Variants in RAET1L observed in about 807,000 individuals in gnomAD.
The protein encoded by RAET1L is UL16-binding protein 6.
RAET1L carries 16 observed loss-of-function variants against 23.9 expected under a neutral mutation model. The observed-to-expected ratio is 0.67, with a 90% confidence interval of 0.45 to 1.02. The LOEUF (loss-of-function observed/expected upper bound fraction) is 1.02. Among genes scored for constraint, RAET1L ranks in the 50% least tolerant of loss-of-function variants. The pLI is 0.00. For missense variants in RAET1L, 233 were observed against 304.0 expected (o/e 0.77, Z 1.74); for synonymous variants, 70 against 111.2 (o/e 0.63, Z 2.33).
At chr6:150,021,810 T>C (rs1157957815) in intron 2 of RAET1L, among the ~76,000 whole-genome samples, 170 bp downstream of exon 2, 1 of 151,880 alleles carries the variant, frequency 6.6e-6, no homozygotes, top group African/African-American at 2.4e-5. Context: ...GGTCAGGCGG[T>C]CTCGAATTCC....
Position 150,021,023 on chromosome 6 carries a change from C to A in RAET1L, c.513G>T (p.Lys171Asn), listed in dbSNP as rs1182577554. ...TGGCCACATCCTTGTCATTCTCCCA[C>A]TTTTCTTTCATCTTTCTGGCTCCAG... ...VHPGARKMKE[K>N]WENDKDVAMS... The change falls in exon 3 of 5, where the codon AAG (lysine) becomes AAT (asparagine). Residue 171 changes from lysine to asparagine, a missense_variant. This residue lies in a region of RAET1L where 139 missense variants were observed against 125.3 expected (regional missense o/e 1.11). Transcript: ENST00000367341. 3.7e-6 allele frequency: 6 copies of A among 1,614,084 alleles called. No individual in the cohort carries two copies. Among genetic ancestry groups the A allele is most frequent in the East Asian group, 4.5e-5 (2 of 44,904 alleles).
At chr6:150,023,472 T>G (rs1279756819) in intron 1 of RAET1L, among the ~76,000 whole-genome samples, 2 of 152,090 alleles carry the variant, frequency 1.3e-5, no homozygotes, top group African/African-American at 4.8e-5. Context: ...GGACAGTGAG[T>G]CCTTGTGGCC....
Position 150,021,026 on chromosome 6 carries a change from T to C in RAET1L, c.510A>G (p.Glu170=). ...TVHPGARKMK[E]KWENDKDVAM... is the part of the protein sequence containing the mutation. Reference sequence around the variant, plus strand: ...CCACATCCTTGTCATTCTCCCACTTTTCTTTCATCTTTCTGGCTCCAGGAT... The same window carrying C: ...CCACATCCTTGTCATTCTCCCACTTCTCTTTCATCTTTCTGGCTCCAGGAT... The change falls in exon 3 of 5, where the codon GAA becomes GAG. Residue 170 remains glutamate (E), a synonymous_variant. Coordinates refer to ENST00000367341, the MANE Select transcript of RAET1L (RefSeq NM_130900.3). 1 of 1,614,204 alleles carries C rather than the reference T, an allele frequency of 6.2e-7. No homozygotes were observed. The highest frequency in any genetic ancestry group is 8.5e-7 in the Non-Finnish European group (1 of 1,180,034).
In RAET1L at chr6:150,018,474, C is replaced by A. The variant is rs1161784388; in HGVS notation, c.*404G>T. 6.6e-6 allele frequency: 1 copy of A among 152,054 alleles called. No individual in the cohort carries two copies. The highest frequency in any genetic ancestry group is 2.4e-5 in the African/African-American group (1 of 41,392). 9.4% of individuals were successfully genotyped at this position (152,054 alleles called of 1,614,324 possible). On this transcript the variant is annotated 3_prime_UTR_variant, in exon 5 of 5. Coordinates refer to ENST00000367341, the MANE Select transcript of RAET1L (RefSeq NM_130900.3). ...GGACATGGAAAGAATCCCTGGAGGT[C>A]TGAAGTCTAACATGATTGTTTTACT...
chr6:150,025,020 C>A (rs1207877190), intron 1 of RAET1L, among the ~76,000 whole-genome samples: 2 of 152,100 alleles, frequency 1.3e-5, no homozygotes, highest in African/African-American at 2.4e-5. Context: ...CTGTGGTACC[C>A]CCCTTCACCC....
At chr6:150,025,308 C>G (rs1380121060) in intron 1 of RAET1L, 79 bp downstream of exon 1, 1 of 1,236,438 alleles carries the variant, frequency 8.1e-7, no homozygotes, top group Non-Finnish European at 1.2e-6. Context: ...CAGAAGCCTT[C>G]CCTCCTCTGA....
At chr6:150,024,108 C>T (rs1274215856) in intron 1 of RAET1L, among the ~76,000 whole-genome samples, 1 of 152,268 alleles carries the variant, frequency 6.6e-6, no homozygotes. Flanking sequence ...CCTCAGCTCA[C>T]ACCTGAGGCT....
chr6:150,023,902 C>G (rs1419262365), intron 1 of RAET1L, among the ~76,000 whole-genome samples: 1 of 152,202 alleles, frequency 6.6e-6, no homozygotes, highest in Non-Finnish European at 1.5e-5. Context: ...CTTAGGGATG[C>G]CTATTCCTGA....
intron 1 of RAET1L, among the ~76,000 whole-genome samples, chr6:150,024,455 G>T (rs1412082170): frequency 6.6e-6 from 1 of 152,076 alleles, no homozygotes; most frequent in Non-Finnish European, 1.5e-5. Flanking sequence ...CCCATGGCCT[G>T]CAAAGATCAC....
chr6:150,022,659 G>C (rs1440410959), intron 1 of RAET1L, among the ~76,000 whole-genome samples: 2 of 113,798 alleles, frequency 1.8e-5, no homozygotes, highest in African/African-American at 3.1e-5. Context: ...GGTGCTGGTT[G>C]AACAGAGTGA....
rs1183132171 is a variant in RAET1L at position 150,022,113 on chromosome 6, T to C, written c.216A>G (p.Thr72=). The change falls in exon 2 of 5, where the codon ACA becomes ACG. Residue 72 remains threonine, a synonymous_variant. Coordinates refer to ENST00000367341, the MANE Select transcript of RAET1L (RefSeq NM_130900.3). ...GTTTCTTCCCCAGGGGACTGACGGG[T>C]GTGACTGTCTTGTTGCCACAGTCAT... is the stretch of plus-strand genomic sequence containing the variant. The part of the protein sequence containing the change: ...LHYDCGNKTV[T]PVSPLGKKLN... 2.5e-6 allele frequency: 4 copies of C among 1,601,382 alleles called. No homozygotes were observed. In the African/African-American group the frequency reaches 5.6e-5, roughly 23 times the overall value.
At position 150,023,990 on chromosome 6, in the gene RAET1L, T is replaced by C. The variant is rs1346989143; in HGVS notation, c.85+1397A>G. Among the ~76,000 whole-genome samples the C allele has an allele frequency of 1.1e-4, 16 of 152,256 alleles. 1 individual carries two copies. Among genetic ancestry groups the C allele is most frequent in the South Asian group, 6.2e-4 (3 of 4,818 alleles). ...GAAGATAGGCCCAGCAGTGAGAAGA[T>C]GCAGGTGGTTCTTCTGGGATGGGCA... On this transcript the variant is annotated intron_variant, in intron 1 of 4. Coordinates refer to ENST00000367341, the MANE Select transcript of RAET1L (RefSeq NM_130900.3).
intron 1 of RAET1L, among the ~76,000 whole-genome samples, chr6:150,024,474 C>T (rs1313952348): frequency 1.3e-5 from 2 of 151,992 alleles, no homozygotes; most frequent in African/African-American, 4.8e-5. Context: ...ACAGGGCATC[C>T]TTCCTCCCTT....
At position 150,025,516 on chromosome 6, in the gene RAET1L, T is replaced by A. The variant is rs764254028; in HGVS notation, c.-45A>T. On this transcript the variant is annotated 5_prime_UTR_variant, in exon 1 of 5. Transcript: ENST00000367341. ...GGACAAGAGATTTAATCAAGGTGGA[T>A]CCTGGAAGATGAAATCACCTCTGTG... is the stretch of plus-strand genomic sequence containing the variant. 1.3e-6 allele frequency: 2 copies of A among 1,500,614 alleles called. No homozygotes were observed. Among genetic ancestry groups the A allele is most frequent in the Admixed American group, 3.4e-5 (2 of 59,324 alleles). The allele number at this position is 1,500,614 out of a possible 1,614,324, so 93.0% of individuals were successfully genotyped here. A position where few individuals can be genotyped will look rare whatever the true frequency, so the allele number is the denominator to read the frequency against.
rs533745665 is a variant in RAET1L, at chr6:150,021,871, C to T, written c.349+109G>A. Reference sequence around the variant, plus strand: ...CCTCACAAAGTGCTGGGACTACAGGCGTGAGCCACCGTGCCCAGGACCCTT... The same window carrying T: ...CCTCACAAAGTGCTGGGACTACAGGTGTGAGCCACCGTGCCCAGGACCCTT... On this transcript the variant is annotated intron_variant, in intron 2 of 4. Coordinates refer to ENST00000367341, the MANE Select transcript of RAET1L (RefSeq NM_130900.3). The T allele has an allele frequency of 1.3e-3, 1,654 of 1,295,362 alleles. 31 individuals carry two copies. In the South Asian group the frequency reaches 0.021, roughly 17 times the overall value. 80.2% of individuals were successfully genotyped at this position (1,295,362 alleles called of 1,614,324 possible).
intron 1 of RAET1L, among the ~76,000 whole-genome samples, chr6:150,023,797 G>A (rs574661250): frequency 6.6e-6 from 1 of 152,316 alleles, no homozygotes; most frequent in South Asian, 2.1e-4. Context: ...ACATTAAGCA[G>A]TGGCTCCTGT....
Position 150,018,509 on chromosome 6 carries a change from G to A in RAET1L, c.*369C>T, listed in dbSNP as rs1779848034. ...ACATGATTGTTTTACTGACAATCAT[G>A]TCAGTAATGAAAGAAAGAAATCATC... On this transcript the variant is annotated 3_prime_UTR_variant, in exon 5 of 5. Coordinates refer to ENST00000367341, the MANE Select transcript of RAET1L (RefSeq NM_130900.3). The A allele has an allele frequency of 1.3e-5, 2 of 152,190 alleles. No individual in the cohort carries two copies. Among genetic ancestry groups the A allele is most frequent in the South Asian group, 2.1e-4 (1 of 4,832 alleles). The allele number at this position is 152,190 out of a possible 1,614,324, so 9.4% of individuals were successfully genotyped here. A position where few individuals can be genotyped will look rare whatever the true frequency, so the allele number is the denominator to read the frequency against.
chr6:150,022,024 G>C lies in RAET1L; in HGVS notation c.305C>G (p.Thr102Arg). 1 of 1,413,528 alleles carries C rather than the reference G, an allele frequency of 7.1e-7. No homozygotes were observed. The highest frequency in any genetic ancestry group is 1.2e-5 in the South Asian group (1 of 84,796). 87.6% of individuals were successfully genotyped at this position (1,413,528 alleles called of 1,614,324 possible). A position where few individuals can be genotyped will look rare whatever the true frequency, so the allele number is the denominator to read the frequency against. Reference sequence around the variant, plus strand: ...CAGCTGAATGTCAAGCAGTTGCTCTGTAAGTATGTCCACCACCTCTCTCAG... The same window carrying C: ...CAGCTGAATGTCAAGCAGTTGCTCTCTAAGTATGTCCACCACCTCTCTCAG... ...PVLREVVDIL[T>R]EQLLDIQLEN... Residue 102 changes from threonine (T) to arginine (R), a missense_variant, in exon 2 of 5, where the codon ACA becomes AGA. Around this residue, in one of 4 missense-constraint regions of RAET1L, gnomAD observed 44 missense variants for 107.4 expected, o/e 0.41. Transcript: ENST00000367341.
At position 150,021,347 on chromosome 6, in the gene RAET1L, T is replaced by C. The variant is rs557918083; in HGVS notation, c.350-161A>G. On this transcript the variant is annotated intron_variant, in intron 2 of 4. Transcript: ENST00000367341. Reference sequence around the variant, plus strand: ...CCTTCCCATTTGTATTTTTTTTTTTTTTTTTGAGAAAGGGTCTCGCTCTGT... The same window carrying C: ...CCTTCCCATTTGTATTTTTTTTTTTCTTTTTGAGAAAGGGTCTCGCTCTGT... 6.0e-5 allele frequency among the ~76,000 whole-genome samples: 9 copies of C among 150,822 alleles called. No individual in the cohort carries two copies. The East Asian group carries it at 1.7e-3, about 29-fold the overall frequency.
Sources: gnomAD v4.1 joint callset for allele counts (sites outside exome capture counted in the v4.1 genomes callset) on GRCh38, gnomAD v4.1.1 for gene constraint, gnomAD v4.1.1 regional missense constraint, MANE v1.5 for transcripts, NCBI Gene and HGNC (gene_info 2026-07-23, HGNC 2026-07-21) for gene names.